Variants in EXOC4 observed in about 807,000 individuals in gnomAD.
EXOC4 encodes exocyst complex component 4.
A neutral mutation model predicts 107.2 loss-of-function variants in EXOC4; 71 were observed. The ratio of observed to expected loss-of-function variants is 0.66; its 90% CI spans 0.55 to 0.81. The LOEUF (loss-of-function observed/expected upper bound fraction) is 0.81. Among genes scored for constraint, EXOC4 ranks in the 30% least tolerant of loss-of-function variants. The pLI, the probability that EXOC4 is intolerant of heterozygous loss-of-function variation, is 0.00. For missense variants in EXOC4, 1,108 were observed against 1,189.6 expected, an observed-to-expected ratio of 0.93 and a Z score of 1.01; for synonymous variants, 456 against 441.2, an observed-to-expected ratio of 1.03 and a Z score of -0.42.
At chr7:133,561,817 C>G (rs1292466433) in intron 9 of EXOC4, among the ~76,000 whole-genome samples, 8 of 152,198 alleles carry the variant, frequency 5.3e-5, no homozygotes, top group Non-Finnish European at 1.2e-4. Context: ...GCGCGTGCCC[C>G]AAGATGGAAT....
At chr7:134,030,720 T>A in intron 17 of EXOC4, among the ~76,000 whole-genome samples, 1 of 110,116 alleles carries the variant, frequency 9.1e-6, no homozygotes, top group African/African-American at 3.5e-5. Context: ...AGAGCAGTCC[T>A]GCACACGACT....
chr7:133,890,372 T>C (rs1799179919), intron 11 of EXOC4, among the ~76,000 whole-genome samples: 1 of 66,612 alleles, frequency 1.5e-5, no homozygotes, highest in African/African-American at 2.1e-4. Context: ...ATGTTGTAGG[T>C]TGCCTGTTCA....
chr7:133,255,171 C>CTTTTT (rs1794986269), intron 1 of EXOC4, among the ~76,000 whole-genome samples: 2 of 151,284 alleles, frequency 1.3e-5, no homozygotes, highest in Admixed American at 6.6e-5. Flanking sequence ...TATTGCTTTT[C>CTTTTT]TTTTCTTTTC....
intron 11 of EXOC4, among the ~76,000 whole-genome samples, chr7:133,864,868 C>G (rs893943703): frequency 6.6e-6 from 1 of 152,122 alleles, no homozygotes; most frequent in Non-Finnish European, 1.5e-5. Flanking sequence ...ACACCTTTGT[C>G]CCCATGAGCC....
intron 5 of EXOC4, among the ~76,000 whole-genome samples, chr7:133,321,054 A>G (rs1795099127): frequency 6.6e-6 from 1 of 152,208 alleles, no homozygotes; most frequent in Non-Finnish European, 1.5e-5. Context: ...TTTGTGAAAC[A>G]GTAAGATTGA....
intron 13 of EXOC4, among the ~76,000 whole-genome samples, chr7:133,918,125 G>A (rs867171545): frequency 4.3e-4 from 64 of 147,574 alleles, no homozygotes; most frequent in African/African-American, 1.5e-3. Context: ...TGGGACTACC[G>A]GTGCCCACCA....
At chr7:133,699,649 G>A (rs1421571033) in intron 10 of EXOC4, among the ~76,000 whole-genome samples, 5 of 152,134 alleles carry the variant, frequency 3.3e-5, no homozygotes, top group African/African-American at 9.7e-5. Context: ...AAGCAAACAT[G>A]CATGAGGGCC....
intron 10 of EXOC4, among the ~76,000 whole-genome samples, chr7:133,737,422 T>C (rs908225602): frequency 6.6e-6 from 1 of 152,086 alleles, no homozygotes; most frequent in Admixed American, 6.6e-5. Flanking sequence ...ATTTCTTTTC[T>C]AGTATAAATG....
intron 10 of EXOC4, among the ~76,000 whole-genome samples, chr7:133,631,229 A>T (rs1235485482): frequency 6.6e-6 from 1 of 152,146 alleles, no homozygotes; most frequent in Non-Finnish European, 1.5e-5. Flanking sequence ...ACTTCAGAAT[A>T]TCACCTTACC....
At chr7:133,395,537 TCAAAGGAG>T in intron 7 of EXOC4, among the ~76,000 whole-genome samples, 1 of 152,212 alleles carries the variant, frequency 6.6e-6, no homozygotes, top group East Asian at 1.9e-4. Flanking sequence ...GTTCACAGTA[TCAAAGGAG>T]CAAGTGAATA....
At chr7:133,716,383 T>C (rs2151101595) in intron 10 of EXOC4, among the ~76,000 whole-genome samples, 2 of 152,318 alleles carry the variant, frequency 1.3e-5, no homozygotes, top group South Asian at 4.1e-4. Context: ...ATGCAACCTA[T>C]GTATACAGAT....
chr7:133,357,313 G>A, intron 6 of EXOC4, among the ~76,000 whole-genome samples: 1 of 152,180 alleles, frequency 6.6e-6, no homozygotes, highest in Non-Finnish European at 1.5e-5. Context: ...CTGGAGCTCA[G>A]AGATTGAATA....
intron 7 of EXOC4, among the ~76,000 whole-genome samples, chr7:133,433,584 A>G (rs1215164258): frequency 1.3e-5 from 2 of 152,188 alleles, no homozygotes; most frequent in Non-Finnish European, 2.9e-5. Context: ...TACTTGTTGT[A>G]TGCTGCTGAA....
intron 11 of EXOC4, among the ~76,000 whole-genome samples, chr7:133,845,699 G>A (rs1400945941): frequency 6.6e-6 from 1 of 151,898 alleles, no homozygotes; most frequent in African/African-American, 2.4e-5. Context: ...CTCAGAACTT[G>A]GTATAAACAA....
intron 10 of EXOC4, among the ~76,000 whole-genome samples, chr7:133,785,102 G>A (rs377156093): frequency 5.3e-5 from 8 of 152,070 alleles, no homozygotes; most frequent in African/African-American, 1.7e-4. Flanking sequence ...TTACTTACCC[G>A]TCTTCCAGAT....
intron 9 of EXOC4, among the ~76,000 whole-genome samples, chr7:133,596,400 A>T (rs1364462639): frequency 2.0e-5 from 3 of 152,216 alleles, no homozygotes; most frequent in Non-Finnish European, 4.4e-5. Flanking sequence ...GAATTAATAG[A>T]ACTACTTAAA....
intron 9 of EXOC4, 151 bp downstream of exon 9, chr7:133,480,289 T>C: frequency 1.4e-6 from 2 of 1,468,560 alleles, no homozygotes; most frequent in South Asian, 1.4e-5. Flanking sequence ...TTTCCCAGCA[T>C]CTGCTGCCAA....
chr7:133,333,435 G>T (rs1041834273), intron 5 of EXOC4, among the ~76,000 whole-genome samples: 30 of 148,002 alleles, frequency 2.0e-4, no homozygotes, highest in East Asian at 9.8e-4. Context: ...AGGAGATCTG[G>T]TTTTTTTTTT....
At chr7:133,403,030 A>G (rs1321873683) in intron 7 of EXOC4, among the ~76,000 whole-genome samples, 3 of 151,784 alleles carry the variant, frequency 2.0e-5, no homozygotes, top group Non-Finnish European at 2.9e-5. Context: ...GATTACAGGC[A>G]CGCACCACCA....
Sources: allele counts gnomAD v4.1 joint callset (sites outside exome capture counted in the v4.1 genomes callset), GRCh38; gene constraint gnomAD v4.1.1; transcripts MANE v1.5; gene names NCBI Gene and HGNC (gene_info 2026-07-23, HGNC 2026-07-21).